The following HCK variants were observed in gnomAD, a reference collection of about 807,000 sequenced individuals.
HCK encodes HCK proto-oncogene, Src family tyrosine kinase, also known as tyrosine-protein kinase HCK.
A neutral mutation model predicts 70.4 loss-of-function variants in HCK; 40 were observed. The ratio of observed to expected loss-of-function variants is 0.57; its 90% CI spans 0.44 to 0.74. The LOEUF is 0.74. Ranked by LOEUF, HCK falls within the 30% of genes least tolerant of loss-of-function variation. The pLI is 0.00. For synonymous variants in HCK, 245 were observed against 263.2 expected (o/e 0.93, Z 0.67); for missense variants, 568 against 697.2 (o/e 0.81, Z 2.09).
intron 1 of HCK, among the ~76,000 whole-genome samples, chr20:32,064,885 G>A (rs1023597595): frequency 2.6e-5 from 4 of 152,388 alleles, no homozygotes; most frequent in Admixed American, 1.3e-4. Flanking sequence ...AGGGACGGCA[G>A]TGGCCCGAGG....
chr20:32,066,331 T>TTTTTTTTTTTTTTTTTTTTTGA lies in HCK; in HGVS notation c.63-5331_63-5330insTTTTTTTTTTTTTTTTTTTTGA, dbSNP rs60044994. Among the ~76,000 whole-genome samples the TTTTTTTTTTTTTTTTTTTTTGA allele has an allele frequency of 8.5e-5, 7 of 81,910 alleles. 1 individual carries two copies. Among genetic ancestry groups the TTTTTTTTTTTTTTTTTTTTTGA allele is most frequent in the African/African-American group, 2.6e-4 (6 of 23,164 alleles). 53.7% of individuals were successfully genotyped at this position (81,910 alleles called of 152,430 possible). On this transcript the variant is annotated intron_variant, in intron 1 of 12. Transcript: ENST00000375852. ...TTTTTTTTTTTTTTTTTTTTTTTTT[T>TTTTTTTTTTTTTTTTTTTTTGA]GACAGAGTCTTGCTCTGTTTCCCAG...
In HCK at chr20:32,057,863, G is replaced by A. The variant is rs141032157; in HGVS notation, c.62+5377G>A. Among the ~76,000 whole-genome samples the A allele has an allele frequency of 6.3e-3, 954 of 152,298 alleles. 4 individuals carry two copies. Among genetic ancestry groups the A allele is most frequent in the Non-Finnish European group, 0.011 (724 of 68,026 alleles). ...CCCCCACAGGACTGGGAGTTTGAAGGTACTTTCAGAGGCGTGGGTAATGAT... is the reference window on the plus strand; with the variant it reads ...CCCCCACAGGACTGGGAGTTTGAAGATACTTTCAGAGGCGTGGGTAATGAT... On this transcript the variant is annotated intron_variant, in intron 1 of 12. Coordinates refer to ENST00000375852, the MANE Select transcript of HCK (RefSeq NM_002110.5).
chr20:32,084,106 T>G, intron 7 of HCK, 63 bp downstream of exon 7: 5 of 1,553,548 alleles, frequency 3.2e-6, no homozygotes, highest in Non-Finnish European at 4.4e-6. Context: ...TAGTCACGGA[T>G]GCACTGTGGC....
At chr20:32,094,789 GAA>G (rs370294567) in intron 11 of HCK, among the ~76,000 whole-genome samples, 6 of 20,100 alleles carry the variant, frequency 3.0e-4, no homozygotes, top group Admixed American at 1.9e-3. Context: ...GAGAGAAAGA[GAA>G]AGAAAGAAAG....
rs1171442570 is a variant in HCK at position 32,101,633 on chromosome 20, T to A, written c.*114T>A. On this transcript the variant is annotated 3_prime_UTR_variant, in exon 13 of 13. Transcript: ENST00000375852. ...CTACTCCCAGACACCCACCCTCGCT[T>A]CAGCCACAGTTTCCTCATCTGTCCA... 1 of 805,382 alleles carries A rather than the reference T, an allele frequency of 1.2e-6. No homozygotes were observed. Among genetic ancestry groups the A allele is most frequent in the African/African-American group, 1.7e-5 (1 of 58,164 alleles). 49.9% of individuals were successfully genotyped at this position (805,382 alleles called of 1,614,324 possible). A position where few individuals can be genotyped will look rare whatever the true frequency, so the allele number is the denominator to read the frequency against.
intron 8 of HCK, among the ~76,000 whole-genome samples, chr20:32,085,621 C>T (rs242609): frequency 0.23 from 34,559 of 152,090 alleles, 4,140 homozygotes; most frequent in South Asian, 0.28. Context: ...TCATATAAGA[C>T]GCTAGACTCC....
chr20:32,091,982 G>GA (rs113743904), intron 10 of HCK, among the ~76,000 whole-genome samples: 53 of 137,138 alleles, frequency 3.9e-4, no homozygotes, highest in Middle Eastern at 3.6e-3. Flanking sequence ...TGTCTCAAAA[G>GA]AAAAAAAAAA....
Position 32,084,801 on chromosome 20 carries a change from C to T in HCK, c.835+258C>T, listed in dbSNP as rs181212241. 2.6e-3 allele frequency among the ~76,000 whole-genome samples: 395 copies of T among 152,282 alleles called. 2 individuals carry two copies. The highest frequency in any genetic ancestry group is 4.7e-3 in the Non-Finnish European group (320 of 68,020). Reference sequence around the variant, plus strand: ...AAGCAGGTGTCATGGATGAGGAATCCCTCCCTCATACGGAGTGGGGACTGC... The same window carrying T: ...AAGCAGGTGTCATGGATGAGGAATCTCTCCCTCATACGGAGTGGGGACTGC... On this transcript the variant is annotated intron_variant, in intron 8 of 12. Coordinates refer to ENST00000375852, the MANE Select transcript of HCK (RefSeq NM_002110.5).
chr20:32,061,934 A>AC (rs1242871579), intron 1 of HCK, among the ~76,000 whole-genome samples: 5 of 135,542 alleles, frequency 3.7e-5, no homozygotes, highest in Non-Finnish European at 6.3e-5. Context: ...GATCTGACTT[A>AC]CCTTTTTTTT....
chr20:32,097,758 T>C (rs369414224), intron 11 of HCK, among the ~76,000 whole-genome samples: 1 of 151,888 alleles, frequency 6.6e-6, no homozygotes. Context: ...AACACACACA[T>C]AGAACATTTT....
chr20:32,094,806 A>AC (rs1157005847), intron 11 of HCK, among the ~76,000 whole-genome samples: 1 of 83,230 alleles, frequency 1.2e-5, no homozygotes, highest in African/African-American at 3.5e-5. Context: ...AGAAAGAAAG[A>AC]AAGAAAGAAA....
chr20:32,067,531 C>CTTTTT (rs11482239), intron 1 of HCK, among the ~76,000 whole-genome samples: 4 of 110,344 alleles, frequency 3.6e-5, no homozygotes, highest in Admixed American at 1.2e-4. Flanking sequence ...GATGCTTTTA[C>CTTTTT]TTTTTTTTTT....
chr20:32,069,550 A>G, intron 1 of HCK: 1 of 366,560 alleles, frequency 2.7e-6, no homozygotes. Context: ...ATACACATTT[A>G]TCTCAAAGAG....
At chr20:32,070,674 A>G (rs769921999) in intron 1 of HCK, among the ~76,000 whole-genome samples, 9 of 151,704 alleles carry the variant, frequency 5.9e-5, no homozygotes, top group Admixed American at 2.6e-4. Context: ...CATTAACTCA[A>G]TTTGCCCTGT....
Position 32,088,603 on chromosome 20 carries a change from A to C in HCK, c.1051A>C (p.Ser351Arg). The change falls in exon 10 of 13, where the codon AGC becomes CGC. Residue 351 changes from serine (S) to arginine (R), a missense_variant. Transcript: ENST00000375852. ...GGACTTTCTGAAAAGTGATGAGGGCAGCAAGCAGCCATTGCCAAAACTCAT... is the reference window on the plus strand; with the variant it reads ...GGACTTTCTGAAAAGTGATGAGGGCCGCAAGCAGCCATTGCCAAAACTCAT... 1 of 1,614,096 alleles carries C rather than the reference A, an allele frequency of 6.2e-7. No homozygotes were observed. The highest frequency in any genetic ancestry group is 8.5e-7 in the Non-Finnish European group (1 of 1,179,982).
chr20:32,083,259 A>T (rs1238604022), intron 6 of HCK, among the ~76,000 whole-genome samples: 3 of 152,154 alleles, frequency 2.0e-5, no homozygotes, highest in Non-Finnish European at 4.4e-5. Flanking sequence ...CCAGATCCTT[A>T]ACTTAATCAC....
chr20:32,100,027 G>A (rs1447094938), intron 12 of HCK, among the ~76,000 whole-genome samples: 2 of 151,698 alleles, frequency 1.3e-5, no homozygotes, highest in African/African-American at 4.8e-5. Context: ...AGCCTCCCGA[G>A]TATCTGGGAC....
intron 1 of HCK, among the ~76,000 whole-genome samples, chr20:32,061,159 T>A (rs2045366578): frequency 6.6e-6 from 1 of 152,184 alleles, no homozygotes; most frequent in Admixed American, 6.5e-5. Flanking sequence ...AATTTTTGTA[T>A]TTTTAGTAGA....
At chr20:32,065,775 C>A (rs1469275915) in intron 1 of HCK, among the ~76,000 whole-genome samples, 2 of 152,170 alleles carry the variant, frequency 1.3e-5, no homozygotes, top group East Asian at 3.9e-4. Context: ...GTTGCCAATT[C>A]CTGAAGGCAA....
Sources: allele counts gnomAD v4.1 joint callset (sites outside exome capture counted in the v4.1 genomes callset), GRCh38; gene constraint gnomAD v4.1.1; transcripts MANE v1.5; gene names NCBI Gene and HGNC (gene_info 2026-07-23, HGNC 2026-07-21).